The following C1QTNF2 variants were observed in gnomAD, a reference collection of about 807,000 sequenced individuals.
C1QTNF2 encodes C1q and TNF related 2.
Under a neutral mutation model 17.4 loss-of-function variants are expected in C1QTNF2, and 15 were observed. That is an observed-to-expected ratio of 0.86 (90% confidence interval 0.58 to 1.33). The LOEUF (loss-of-function observed/expected upper bound fraction) is 1.33, where lower values mean the gene tolerates loss of function less well. Among genes scored for constraint, C1QTNF2 ranks in the 40% most tolerant of loss-of-function variants. The pLI is 0.00. For missense variants in C1QTNF2, 381 were observed against 392.3 expected (o/e 0.97, Z 0.24); for synonymous variants, 154 against 163.3 (o/e 0.94, Z 0.44).
intron 1 of C1QTNF2, among the ~76,000 whole-genome samples, chr5:160,356,473 T>C (rs1423804792): frequency 6.6e-6 from 1 of 152,226 alleles, no homozygotes; most frequent in Admixed American, 6.5e-5. Flanking sequence ...ACCATTTGCA[T>C]TTCTAATAAG....
intron 1 of C1QTNF2, among the ~76,000 whole-genome samples, chr5:160,356,650 G>C (rs1197945431): frequency 6.6e-6 from 1 of 152,196 alleles, no homozygotes; most frequent in East Asian, 1.9e-4. Context: ...CACTCAGCCT[G>C]TGGCTATCCA....
Position 160,354,813 on chromosome 5 carries a change from C to A in C1QTNF2, c.199G>T (p.Gly67Cys). Residue 67 changes from glycine (G) to cysteine (C), a missense_variant, in exon 2 of 3, where the codon GGC (glycine) becomes TGC (cysteine). Physicochemically the swap from Gly to Cys is radical, Grantham distance 159 (BLOSUM62 -3). Coordinates refer to ENST00000652664, the MANE Select transcript of C1QTNF2 (RefSeq NM_031908.6). ...CGGTCGCCGTCGTGTCCATCTTGGC[C>A]GTCTTTGCCAGGAAAGCCCATTCGT... ...MGRMGFPGKD[G>C]QDGHDGDRGD... The A allele has an allele frequency of 6.2e-7, 1 of 1,613,634 alleles. No homozygotes were observed. Among genetic ancestry groups the A allele is most frequent in the Non-Finnish European group, 8.5e-7 (1 of 1,179,948 alleles).
At position 160,359,802 on chromosome 5, in the gene C1QTNF2, TCCC is replaced by T. The variant is rs146116787; in HGVS notation, c.-9-4785_-9-4783del. Among the ~76,000 whole-genome samples the T allele has an allele frequency of 2.0e-5, 3 of 152,234 alleles. No homozygotes were observed. The East Asian group carries it at 5.8e-4, about 29-fold the overall frequency. ...CTGAACCAAAAGATCAGGGTGTCACTCCCCAAGACCCTCCAATAGGTGCTGGCT... is the reference window on the plus strand; with the variant it reads ...CTGAACCAAAAGATCAGGGTGTCACTCAAGACCCTCCAATAGGTGCTGGCT... On this transcript the variant is annotated intron_variant, in intron 1 of 2. Coordinates refer to ENST00000652664, the MANE Select transcript of C1QTNF2 (RefSeq NM_031908.6).
chr5:160,370,082 C>CT (rs535470241), intron 1 of C1QTNF2, among the ~76,000 whole-genome samples: 181 of 152,278 alleles, frequency 1.2e-3, no homozygotes, highest in African/African-American at 4.0e-3. Context: ...CTTCAAGTCC[C>CT]TTTTTTATCA....
At chr5:160,369,440 T>C (rs539601441) in intron 1 of C1QTNF2, among the ~76,000 whole-genome samples, 2 of 152,176 alleles carry the variant, frequency 1.3e-5, no homozygotes, top group African/African-American at 4.8e-5. Context: ...GATCGGGCAG[T>C]TGAAAGCAGG....
At chr5:160,369,240 T>C (rs549950720) in intron 1 of C1QTNF2, among the ~76,000 whole-genome samples, 10 of 152,194 alleles carry the variant, frequency 6.6e-5, no homozygotes, top group East Asian at 3.8e-4. Flanking sequence ...GTGATGAGCG[T>C]CGTTACTTTT....
intron 2 of C1QTNF2, among the ~76,000 whole-genome samples, chr5:160,352,054 G>A (rs1355136576): frequency 1.3e-5 from 2 of 152,106 alleles, no homozygotes; most frequent in East Asian, 1.9e-4. Context: ...GGGACTTCAG[G>A]CACACACCAC....
chr5:160,370,564 C>T lies in C1QTNF2; in HGVS notation c.-62G>A. The T allele has an allele frequency of 1.4e-6, 2 of 1,436,188 alleles. No individual in the cohort carries two copies. Among genetic ancestry groups the T allele is most frequent in the South Asian group, 1.5e-5 (1 of 66,840 alleles). 89.0% of individuals were successfully genotyped at this position (1,436,188 alleles called of 1,614,324 possible). On this transcript the variant is annotated 5_prime_UTR_variant, in exon 1 of 3. Transcript: ENST00000652664. ...GCGTCCGGAGCAAAGAAGCTCTCGG[C>T]GGGGCTCCGCGTCCCGGCTTTCCTC...
Position 160,370,608 on chromosome 5 carries a change from G to T in C1QTNF2, c.-106C>A. 6.9e-7 allele frequency: 1 copy of T among 1,449,384 alleles called. No individual in the cohort carries two copies. Among genetic ancestry groups the T allele is most frequent in the South Asian group, 1.5e-5 (1 of 67,502 alleles). The allele number at this position is 1,449,384 out of a possible 1,614,324, so 89.8% of individuals were successfully genotyped here. On this transcript the variant is annotated 5_prime_UTR_variant, in exon 1 of 3. The change creates a new upstream start codon in the 5' untranslated region. Transcript: ENST00000652664. ...TTTCCTCAGCGGCAGCAGCCGGGCA[G>T]AGCGTCGGCCCCAGGCATAGTTTTC...
At chr5:160,360,366 G>A (rs766458634) in intron 1 of C1QTNF2, among the ~76,000 whole-genome samples, 2 of 152,182 alleles carry the variant, frequency 1.3e-5, no homozygotes, top group African/African-American at 2.4e-5. Context: ...AATCCACAGC[G>A]AAGAGAAAAC....
chr5:160,353,237 T>C (rs74939139), intron 2 of C1QTNF2, among the ~76,000 whole-genome samples: 2,942 of 152,304 alleles, frequency 0.019, 73 homozygotes, highest in African/African-American at 0.067. Flanking sequence ...TAAAATGCCA[T>C]ACAAATAAAA....
Position 160,349,813 on chromosome 5 carries a change from G to T in C1QTNF2, c.245-32C>A, listed in dbSNP as rs562708364. On this transcript the variant is annotated intron_variant, in intron 2 of 2. Coordinates refer to ENST00000652664, the MANE Select transcript of C1QTNF2 (RefSeq NM_031908.6). The surrounding 1 kb of genome is among the most constrained non-coding windows in gnomAD (Gnocchi z 4.3). ...GACAGAGCAGCTGGTGTTATGGAGG[G>T]TCCTCACAGACCTAGGCAGAGGGGT... The T allele has an allele frequency of 5.2e-5, 78 of 1,509,456 alleles. No individual in the cohort carries two copies. The South Asian group carries it at 9.4e-4, about 18-fold the overall frequency. 93.5% of individuals were successfully genotyped at this position (1,509,456 alleles called of 1,614,324 possible). A position where few individuals can be genotyped will look rare whatever the true frequency, so the allele number is the denominator to read the frequency against.
chr5:160,356,545 T>A (rs1429139116), intron 1 of C1QTNF2, among the ~76,000 whole-genome samples: 1 of 152,194 alleles, frequency 6.6e-6, no homozygotes, highest in Non-Finnish European at 1.5e-5. Flanking sequence ...CTAGAGTAGA[T>A]GGTCTCTAGG....
At chr5:160,363,126 G>A (rs1764184307) in intron 1 of C1QTNF2, among the ~76,000 whole-genome samples, 1 of 152,218 alleles carries the variant, frequency 6.6e-6, no homozygotes, top group African/African-American at 2.4e-5. Flanking sequence ...AAAGGGACAA[G>A]GTTTGCTTGC....
intron 2 of C1QTNF2, among the ~76,000 whole-genome samples, chr5:160,352,907 AT>A (rs1763952730): frequency 2.0e-5 from 3 of 152,200 alleles, no homozygotes; most frequent in African/African-American, 7.2e-5. Flanking sequence ...CCTAACATTT[AT>A]TGTATGTCTA....
At chr5:160,366,852 C>T (rs894167360) in intron 1 of C1QTNF2, among the ~76,000 whole-genome samples, 3 of 151,764 alleles carry the variant, frequency 2.0e-5, no homozygotes, top group African/African-American at 7.3e-5. Flanking sequence ...GGCAAAACCT[C>T]ATCTCTACAA....
intron 1 of C1QTNF2, among the ~76,000 whole-genome samples, chr5:160,356,853 C>T (rs534161942): frequency 3.3e-5 from 5 of 152,290 alleles, no homozygotes; most frequent in African/African-American, 1.2e-4. Flanking sequence ...GGCTGTTCCC[C>T]TCAGAAACAG....
chr5:160,366,855 C>CAAAGACTACAATATGGCAG (rs763226153), intron 1 of C1QTNF2, among the ~76,000 whole-genome samples: 12,172 of 151,872 alleles, frequency 0.08, 601 homozygotes, highest in Middle Eastern at 0.24. Flanking sequence ...AAAACCTCAT[C>CAAAGACTACAATATGGCAG]TCTACAAAAA....
In C1QTNF2 at chr5:160,349,851, G is replaced by T; in HGVS notation, c.245-70C>A. On this transcript the variant is annotated intron_variant, in intron 2 of 2. Transcript: ENST00000652664. This position sits in a 1 kb window ranked among gnomAD's most constrained non-coding sequence, Gnocchi z 4.3. ...TAGGCAGAGGGGTGCGGTGCGGCTT[G>T]GTCTTCCAATCTTGGAGAAGGAGTG... The T allele has an allele frequency of 1.4e-6, 2 of 1,477,344 alleles. No homozygotes were observed. Among genetic ancestry groups the T allele is most frequent in the Non-Finnish European group, 8.9e-7 (1 of 1,120,818 alleles). The allele number at this position is 1,477,344 out of a possible 1,614,324, so 91.5% of individuals were successfully genotyped here.
Sources: allele counts gnomAD v4.1 joint callset (sites outside exome capture counted in the v4.1 genomes callset), GRCh38; gene constraint gnomAD v4.1.1; non-coding constraint Gnocchi (gnomAD v3.1); transcripts MANE v1.5; gene names NCBI Gene and HGNC (gene_info 2026-07-23, HGNC 2026-07-21).